DLGAP1: variants seen among roughly 807,000 people sequenced by gnomAD.
DLGAP1 encodes DLG associated protein 1.
DLGAP1 carries 11 observed loss-of-function variants against 90.8 expected under a neutral mutation model. The ratio of observed to expected loss-of-function variants is 0.12; its 90% CI spans 0.08 to 0.20. The LOEUF (loss-of-function observed/expected upper bound fraction) is 0.20, where lower values mean the gene tolerates loss of function less well. Ranked by LOEUF, DLGAP1 falls within the 10% of genes least tolerant of loss-of-function variation. The pLI is 1.00. For missense variants in DLGAP1, 1,050 were observed against 1,333.8 expected (o/e 0.79, Z 3.31); for synonymous variants, 558 against 540.7 (o/e 1.03, Z -0.44).
At chr18:3,832,621 T>C (rs1044219715) in intron 4 of DLGAP1, among the ~76,000 whole-genome samples, 3 of 149,936 alleles carry the variant, frequency 2.0e-5, no homozygotes, top group Admixed American at 6.6e-5. Flanking sequence ...TAGATAAACA[T>C]CCAGAAAAAA....
At chr18:3,555,663 A>C (rs1398921309) in intron 9 of DLGAP1, among the ~76,000 whole-genome samples, 1 of 152,106 alleles carries the variant, frequency 6.6e-6, no homozygotes, top group Admixed American at 6.6e-5. Context: ...ATACAAAATT[A>C]GCCGGGTGTA....
intron 1 of DLGAP1, among the ~76,000 whole-genome samples, chr18:4,441,620 A>G: frequency 6.6e-6 from 1 of 152,348 alleles, no homozygotes. Flanking sequence ...TTTCTATTGC[A>G]TCTCCACATG....
intron 7 of DLGAP1, among the ~76,000 whole-genome samples, chr18:3,688,206 C>T (rs1199909175): frequency 6.6e-5 from 10 of 152,146 alleles, no homozygotes; most frequent in African/African-American, 1.7e-4. Context: ...CCACCGCACC[C>T]GGCCCAGAGA....
chr18:4,129,963 G>A (rs1039475307), intron 2 of DLGAP1, among the ~76,000 whole-genome samples: 13 of 152,128 alleles, frequency 8.5e-5, no homozygotes, highest in African/African-American at 1.7e-4. Context: ...GGCATTGTCC[G>A]GAGCATGCTG....
Position 3,623,868 on chromosome 18 carries a change from C to T in DLGAP1, c.1592-41620G>A, listed in dbSNP as rs116209106. Among the ~76,000 whole-genome samples the T allele has an allele frequency of 8.1e-3, 1,235 of 152,178 alleles. 14 individuals carry two copies. The highest frequency in any genetic ancestry group is 0.028 in the African/African-American group (1,174 of 41,520). The stretch of plus-strand genomic sequence containing the variant: ...TGGGCCTTTTTCATCAGGGCAGCCT[C>T]CAGCCTTAGGATGTGGCCGGTCCCC... On this transcript the variant is annotated intron_variant, in intron 7 of 12. Coordinates refer to ENST00000315677, the MANE Select transcript of DLGAP1 (RefSeq NM_004746.4).
At chr18:3,720,888 C>CAAAAAAAAAAAAAAAAA (rs1186426563) in intron 7 of DLGAP1, among the ~76,000 whole-genome samples, 1,750 of 50,140 alleles carry the variant, frequency 0.035, 218 homozygotes, top group Non-Finnish European at 0.043. Context: ...CTTGTCTCTA[C>CAAAAAAAAAAAAAAAAA]AAAAAAAAAA....
intron 5 of DLGAP1, among the ~76,000 whole-genome samples, chr18:3,808,822 AAAC>A (rs368370134): frequency 2.0e-5 from 3 of 152,046 alleles, no homozygotes; most frequent in African/African-American, 7.2e-5. Flanking sequence ...TATACAAGAT[AAAC>A]AACAACAACA....
chr18:4,322,100 T>G (rs1250929711), intron 1 of DLGAP1, among the ~76,000 whole-genome samples: 1 of 151,962 alleles, frequency 6.6e-6, no homozygotes, highest in East Asian at 1.9e-4. Flanking sequence ...CATGGGAGGC[T>G]GAGGCATGAG....
At chr18:4,057,057 ACAC>A (rs1568372853) in intron 2 of DLGAP1, among the ~76,000 whole-genome samples, 1 of 131,338 alleles carries the variant, frequency 7.6e-6, no homozygotes, top group Non-Finnish European at 1.6e-5. Context: ...ACACACACAC[ACAC>A]ATTACAGCAG....
intron 1 of DLGAP1, among the ~76,000 whole-genome samples, chr18:4,371,827 A>T (rs188935817): frequency 5.1e-4 from 78 of 152,302 alleles, no homozygotes; most frequent in Non-Finnish European, 1.0e-4. Flanking sequence ...TGCAGTACTT[A>T]ATCCTGTCCC....
intron 9 of DLGAP1, among the ~76,000 whole-genome samples, chr18:3,541,879 C>G (rs2052710787): frequency 1.3e-5 from 2 of 150,846 alleles, no homozygotes; most frequent in African/African-American, 4.9e-5. Context: ...TCTGGAAATG[C>G]AAATGGAAAC....
At chr18:3,977,350 G>A (rs538414166) in intron 3 of DLGAP1, among the ~76,000 whole-genome samples, 19 of 152,020 alleles carry the variant, frequency 1.2e-4, no homozygotes, top group East Asian at 1.2e-3. Flanking sequence ...GGGATTACAG[G>A]TGTGAGTCAC....
At chr18:3,765,837 A>G (rs2064218105) in intron 5 of DLGAP1, among the ~76,000 whole-genome samples, 2 of 152,294 alleles carry the variant, frequency 1.3e-5, no homozygotes, top group African/African-American at 4.8e-5. Flanking sequence ...TCTGTCTCAA[A>G]AGGAAAAAAA....
chr18:3,706,150 CCAT>C (rs2061427221), intron 7 of DLGAP1, among the ~76,000 whole-genome samples: 1 of 151,454 alleles, frequency 6.6e-6, no homozygotes, highest in South Asian at 2.1e-4. Context: ...GCACTCACCA[CCAT>C]GCCTGGTTAA....
chr18:4,084,178 T>C lies in DLGAP1; in HGVS notation c.-159+67002A>G, dbSNP rs2075650640. Reference sequence around the variant, plus strand: ...TGAGCAGCCCTGTGATTAAACTTCCTTCTCTGCTGCAACCTGGTGTCTTAG... The same window carrying C: ...TGAGCAGCCCTGTGATTAAACTTCCCTCTCTGCTGCAACCTGGTGTCTTAG... On this transcript the variant is annotated intron_variant, in intron 2 of 12. Transcript: ENST00000315677. The surrounding 1 kb of genome is among the most constrained non-coding windows in gnomAD (Gnocchi z 4.0). 6.6e-6 allele frequency among the ~76,000 whole-genome samples: 1 copy of C among 152,144 alleles called. No homozygotes were observed. The highest frequency in any genetic ancestry group is 6.5e-5 in the Admixed American group (1 of 15,274).
At chr18:4,311,939 C>A (rs1310205899) in intron 1 of DLGAP1, among the ~76,000 whole-genome samples, 4 of 152,206 alleles carry the variant, frequency 2.6e-5, no homozygotes, top group African/African-American at 9.6e-5. Flanking sequence ...TGGTCTCGAA[C>A]TCCTGACCTC....
chr18:4,193,278 T>C (rs986261498), intron 1 of DLGAP1, among the ~76,000 whole-genome samples: 2 of 152,240 alleles, frequency 1.3e-5, no homozygotes, highest in Admixed American at 1.3e-4. Context: ...AATTCATATT[T>C]GATCTCATTT....
At position 4,101,512 on chromosome 18, in the gene DLGAP1, A is replaced by G. The variant is rs190066493; in HGVS notation, c.-159+49668T>C. The stretch of plus-strand genomic sequence containing the variant: ...AATTAGCAAAATGTGATACAGAGAC[A>G]CAAAGTAGGCACATGCTATTAGAAA... On this transcript the variant is annotated intron_variant, in intron 2 of 12. Coordinates refer to ENST00000315677, the MANE Select transcript of DLGAP1 (RefSeq NM_004746.4). 2.0e-4 allele frequency among the ~76,000 whole-genome samples: 31 copies of G among 152,306 alleles called. No homozygotes were observed. In the East Asian group the frequency reaches 5.0e-3, roughly 25 times the overall value.
chr18:4,297,348 C>T (rs2080008939), intron 1 of DLGAP1, among the ~76,000 whole-genome samples: 1 of 152,050 alleles, frequency 6.6e-6, no homozygotes, highest in South Asian at 2.1e-4. Flanking sequence ...GCCTAAGACG[C>T]TCCATGCCAT....
Sources: allele counts gnomAD v4.1 joint callset (sites outside exome capture counted in the v4.1 genomes callset), GRCh38; gene constraint gnomAD v4.1.1; non-coding constraint Gnocchi (gnomAD v3.1); transcripts MANE v1.5; gene names NCBI Gene and HGNC (gene_info 2026-07-23, HGNC 2026-07-21).